Variants in ARHGAP10 observed in about 807,000 individuals in gnomAD.
ARHGAP10 encodes the protein Rho GTPase activating protein 10.
A neutral mutation model predicts 108.6 loss-of-function variants in ARHGAP10; 87 were observed. The ratio of observed to expected loss-of-function variants is 0.80; its 90% CI spans 0.67 to 0.96. The LOEUF (loss-of-function observed/expected upper bound fraction) is 0.96, where lower values mean the gene tolerates loss of function less well. ARHGAP10 is among the 40% of genes least tolerant of loss of function. The pLI, the probability that ARHGAP10 is intolerant of heterozygous loss-of-function variation, is 0.00. For synonymous variants in ARHGAP10, 347 were observed against 341.1 expected (o/e 1.02, Z -0.19); for missense variants, 939 against 954.5 (o/e 0.98, Z 0.21).
chr4:147,984,812 A>G (rs552625780), intron 18 of ARHGAP10, among the ~76,000 whole-genome samples: 2 of 152,294 alleles, frequency 1.3e-5, no homozygotes, highest in South Asian at 4.1e-4. Context: ...ATCCTTGTTT[A>G]CTGGGGAAAC....
rs563057745 is a variant in ARHGAP10, at chr4:147,942,316, A to C, written c.1303+2417A>C. Reference sequence around the variant, plus strand: ...GTACTATTTTTTGAGGAGAGCTGCCATTTATCCAATTCTCTGTAGTTCTTG... The same window carrying C: ...GTACTATTTTTTGAGGAGAGCTGCCCTTTATCCAATTCTCTGTAGTTCTTG... On this transcript the variant is annotated intron_variant, in intron 14 of 22. Coordinates refer to ENST00000336498, the MANE Select transcript of ARHGAP10 (RefSeq NM_024605.4). Among the ~76,000 whole-genome samples, 29 of 152,300 alleles carry C rather than the reference A, an allele frequency of 1.9e-4. No individual in the cohort carries two copies. The South Asian group carries it at 6.0e-3, about 32-fold the overall frequency.
intron 20 of ARHGAP10, 51 bp from the exon 21 acceptor site, chr4:148,063,097 G>A (rs1465034248): frequency 6.2e-7 from 1 of 1,600,624 alleles, no homozygotes; most frequent in South Asian, 1.1e-5. Flanking sequence ...TGCATTTCGT[G>A]TTCTGTGGCC....
At chr4:147,741,020 C>CT (rs1213924188) in intron 1 of ARHGAP10, among the ~76,000 whole-genome samples, 1 of 152,124 alleles carries the variant, frequency 6.6e-6, no homozygotes, top group African/African-American at 2.4e-5. Context: ...TCATCCTATA[C>CT]TTTTTTCCCT....
In ARHGAP10 at chr4:147,828,252, G is replaced by A. The variant is rs1019994118; in HGVS notation, c.312+5295G>A. On this transcript the variant is annotated intron_variant, in intron 3 of 22. Transcript: ENST00000336498. The stretch of plus-strand genomic sequence containing the variant: ...ATATGTCTATTTTAGAAGGCAAACA[G>A]TAATGTCAACTATTTTAAAATGTTT... 1.6e-4 allele frequency among the ~76,000 whole-genome samples: 24 copies of A among 152,202 alleles called. 1 individual carries two copies. The highest frequency in any genetic ancestry group is 2.8e-4 in the Non-Finnish European group (19 of 68,038).
At chr4:147,828,493 A>G (rs1178162066) in intron 3 of ARHGAP10, among the ~76,000 whole-genome samples, 2 of 152,328 alleles carry the variant, frequency 1.3e-5, no homozygotes, top group East Asian at 1.9e-4. Flanking sequence ...AGATAAAGAC[A>G]TAAGTAGTGA....
intron 4 of ARHGAP10, 33 bp downstream of exon 4, chr4:147,847,255 A>C: frequency 6.5e-7 from 1 of 1,548,780 alleles, no homozygotes; most frequent in Non-Finnish European, 8.9e-7. Context: ...CTCAGAAAAC[A>C]TAGATGCCTC....
chr4:148,038,392 T>C (rs1728474921), intron 19 of ARHGAP10, among the ~76,000 whole-genome samples: 1 of 152,206 alleles, frequency 6.6e-6, no homozygotes, highest in Non-Finnish European at 1.5e-5. Context: ...CAAACAAAAC[T>C]CTCATCCTAC....
intron 10 of ARHGAP10, among the ~76,000 whole-genome samples, chr4:147,889,801 A>G (rs1735721092): frequency 6.6e-6 from 1 of 152,162 alleles, no homozygotes; most frequent in Non-Finnish European, 1.5e-5. Flanking sequence ...TGATCTGTGT[A>G]GATATAAATC....
chr4:147,885,287 G>C (rs915365940), intron 10 of ARHGAP10, among the ~76,000 whole-genome samples: 1 of 152,126 alleles, frequency 6.6e-6, no homozygotes, highest in African/African-American at 2.4e-5. Context: ...CATATGGTTG[G>C]GGAGGCCTCA....
At chr4:147,865,169 T>C in intron 6 of ARHGAP10, 1 of 448,072 alleles carries the variant, frequency 2.2e-6, no homozygotes, top group South Asian at 2.9e-5. Flanking sequence ...ATAATACACG[T>C]AATATTCCCA....
At chr4:147,983,516 T>C (rs889810191) in intron 18 of ARHGAP10, among the ~76,000 whole-genome samples, 7 of 151,594 alleles carry the variant, frequency 4.6e-5, no homozygotes, top group Non-Finnish European at 1.0e-4. Context: ...TTTTTTTTTT[T>C]CAAATTTTTG....
chr4:147,966,663 C>T lies in ARHGAP10; in HGVS notation c.1557-17C>T, dbSNP rs776597064. 1.7e-5 allele frequency: 26 copies of T among 1,547,928 alleles called. No homozygotes were observed. The highest frequency in any genetic ancestry group is 2.1e-5 in the Non-Finnish European group (24 of 1,139,336). On this transcript the variant is annotated splice_polypyrimidine_tract_variant and intron_variant, in intron 17 of 22. Coordinates refer to ENST00000336498, the MANE Select transcript of ARHGAP10 (RefSeq NM_024605.4). ...CTCCTTTGGTTAAACAGATTCCTCC[C>T]CCCTTACCAATTTCAGTGTTTCAAA...
rs373859881 is a variant in ARHGAP10, at chr4:147,737,714, C to A, written c.154+5259C>A. Among the ~76,000 whole-genome samples the A allele has an allele frequency of 7.8e-4, 119 of 152,240 alleles. No individual in the cohort carries two copies. The East Asian group carries it at 0.012, about 16-fold the overall frequency. ...GGGGCTTTATTACAGTGGCTGGTCT[C>A]CAGTGTGAATGTAGACCGGCTGTGA... On this transcript the variant is annotated intron_variant, in intron 1 of 22. Transcript: ENST00000336498.
chr4:147,800,057 G>A lies in ARHGAP10; in HGVS notation c.155-22670G>A, dbSNP rs1477475086. 5.6e-4 allele frequency among the ~76,000 whole-genome samples: 85 copies of A among 152,166 alleles called. 1 individual carries two copies. The highest frequency in any genetic ancestry group is 5.9e-5 in the Non-Finnish European group (4 of 68,036). ...TGACAGTTTAACTTTCAGAGCCTTT[G>A]TGGTGTTTGTCTGCTTGGTGGTTAG... is the stretch of plus-strand genomic sequence containing the variant. On this transcript the variant is annotated intron_variant, in intron 1 of 22. Transcript: ENST00000336498.
intron 13 of ARHGAP10, among the ~76,000 whole-genome samples, chr4:147,920,846 G>A (rs1038655900): frequency 7.2e-5 from 11 of 152,166 alleles, no homozygotes; most frequent in East Asian, 1.9e-4. Flanking sequence ...ATATTTTGGC[G>A]TTTAGAGGAA....
At chr4:148,050,407 T>C (rs1334334727) in intron 20 of ARHGAP10, among the ~76,000 whole-genome samples, 1 of 137,912 alleles carries the variant, frequency 7.3e-6, no homozygotes, top group Non-Finnish European at 1.5e-5. Flanking sequence ...GTAGTCTCGC[T>C]CTGTTGCCCA....
At chr4:148,004,171 C>T (rs553317820) in intron 18 of ARHGAP10, among the ~76,000 whole-genome samples, 1 of 152,292 alleles carries the variant, frequency 6.6e-6, no homozygotes, top group South Asian at 2.1e-4. Context: ...GTCTGGACAA[C>T]ATAGCATGAC....
chr4:147,813,140 CTT>C (rs765050643), intron 1 of ARHGAP10, among the ~76,000 whole-genome samples: 3 of 141,424 alleles, frequency 2.1e-5, no homozygotes, highest in African/African-American at 2.6e-5. Context: ...CTTTAGGAGC[CTT>C]TTTTTTTTTT....
chr4:147,904,460 C>T (rs1272615702), intron 10 of ARHGAP10, among the ~76,000 whole-genome samples: 1 of 151,210 alleles, frequency 6.6e-6, no homozygotes, highest in African/African-American at 2.4e-5. Flanking sequence ...TCAGTTCCCA[C>T]CTATGAGTGA....
Sources: gnomAD v4.1 joint callset for allele counts (sites outside exome capture counted in the v4.1 genomes callset) on GRCh38, gnomAD v4.1.1 for gene constraint, MANE v1.5 for transcripts, NCBI Gene and HGNC (gene_info 2026-07-23, HGNC 2026-07-21) for gene names.